The following EDNRA variants were observed in gnomAD, a reference collection of about 807,000 sequenced individuals.
EDNRA encodes endothelin-1 receptor.
In EDNRA, 11 loss-of-function variants were observed where a neutral mutation model predicts 41.4. The observed-to-expected ratio is 0.27, with a 90% CI of 0.17 to 0.44. The LOEUF (loss-of-function observed/expected upper bound fraction) is 0.44. Among genes scored for constraint, EDNRA ranks in the 20% least tolerant of loss-of-function variants. The pLI is 1.00. For synonymous variants in EDNRA, 172 were observed against 183.0 expected (o/e 0.94, Z 0.49); for missense variants, 294 against 531.0 (o/e 0.55, Z 4.39).
chr4:147,500,313 G>A (rs1287354569), intron 2 of EDNRA, among the ~76,000 whole-genome samples: 2 of 152,154 alleles, frequency 1.3e-5, no homozygotes, highest in Non-Finnish European at 2.9e-5. Flanking sequence ...GGAAAGTGGG[G>A]GATAAGATAA....
intron 2 of EDNRA, chr4:147,506,010 A>G: frequency 2.5e-6 from 1 of 395,932 alleles, no homozygotes; most frequent in South Asian, 2.0e-5. Context: ...ACTCTTGAGC[A>G]TGTATCCCAG....
chr4:147,485,828 T>C lies in EDNRA; in HGVS notation c.147T>C (p.Val49=), dbSNP rs1019969346. Reference sequence around the variant, plus strand: ...GTGGCACAGAGCTCAGCTTCCTGGTTACCACTCATCAACCCACTAATTTGG... The same window carrying C: ...GTGGCACAGAGCTCAGCTTCCTGGTCACCACTCATCAACCCACTAATTTGG... ...TFRGTELSFL[V]TTHQPTNLVL... The change falls in exon 2 of 8, where the codon GTT becomes GTC. Residue 49 remains valine, a synonymous_variant. Transcript: ENST00000651419. The C allele has an allele frequency of 6.2e-7, 1 of 1,614,264 alleles. No homozygotes were observed. The highest frequency in any genetic ancestry group is 1.3e-5 in the African/African-American group (1 of 75,066).
At chr4:147,536,298 T>C (rs1246065213) in intron 5 of EDNRA, among the ~76,000 whole-genome samples, 6 of 152,198 alleles carry the variant, frequency 3.9e-5, no homozygotes, top group African/African-American at 1.4e-4. Flanking sequence ...TGTGTGTATG[T>C]GAGTTCGTGC....
intron 4 of EDNRA, among the ~76,000 whole-genome samples, chr4:147,534,445 G>A (rs1319872456): frequency 6.6e-6 from 1 of 152,168 alleles, no homozygotes; most frequent in Non-Finnish European, 1.5e-5. Context: ...TGTGAACTTG[G>A]TTGGAAAAGA....
intron 2 of EDNRA, chr4:147,490,467 T>C (rs1026450455): frequency 1.4e-4 from 22 of 152,202 alleles, no homozygotes; most frequent in African/African-American, 4.8e-4. Flanking sequence ...CCCAAGCTTA[T>C]AACCCATACT....
chr4:147,500,851 G>A lies in EDNRA; in HGVS notation c.420+14750G>A, dbSNP rs192409551. 1.3e-3 allele frequency among the ~76,000 whole-genome samples: 199 copies of A among 152,264 alleles called. 2 individuals are homozygous for A. The highest frequency in any genetic ancestry group is 4.4e-3 in the African/African-American group (184 of 41,558). ...ATTTCATATATTTGAGGAAGAAAGGGAGGGAGCATGGACTCTCAAAATGTG... is the reference window on the plus strand; with the variant it reads ...ATTTCATATATTTGAGGAAGAAAGGAAGGGAGCATGGACTCTCAAAATGTG... On this transcript the variant is annotated intron_variant, in intron 2 of 7. Transcript: ENST00000651419.
At chr4:147,506,267 T>A (rs1284151320) in intron 2 of EDNRA, 1 of 482,776 alleles carries the variant, frequency 2.1e-6, no homozygotes, top group East Asian at 5.6e-5. Flanking sequence ...ATAAAGAACA[T>A]CCATTTGTCT....
At chr4:147,516,263 G>A (rs1460256281) in intron 2 of EDNRA, among the ~76,000 whole-genome samples, 1 of 152,200 alleles carries the variant, frequency 6.6e-6, no homozygotes, top group Non-Finnish European at 1.5e-5. Flanking sequence ...ACAGCCCAAA[G>A]TGAGATGTCT....
At chr4:147,537,399 C>T (rs1397723711) in intron 5 of EDNRA, among the ~76,000 whole-genome samples, 4 of 152,126 alleles carry the variant, frequency 2.6e-5, no homozygotes, top group African/African-American at 7.2e-5. Flanking sequence ...GTTTCAAATA[C>T]TCCAATTGCT....
At position 147,486,576 on chromosome 4, in the gene EDNRA, T is replaced by A. The variant is rs1728953837; in HGVS notation, c.420+475T>A. 6.6e-6 allele frequency among the ~76,000 whole-genome samples: 1 copy of A among 152,230 alleles called. No homozygotes were observed. The highest frequency in any genetic ancestry group is 2.1e-4 in the South Asian group (1 of 4,834). ...TGAATTGTATTTATTTTATTTTGAC[T>A]GTCTAGATTAATGATTAAAGCCAAA... is the stretch of plus-strand genomic sequence containing the variant. On this transcript the variant is annotated intron_variant, in intron 2 of 7. Transcript: ENST00000651419. The surrounding 1 kb of genome is among the most constrained non-coding windows in gnomAD (Gnocchi z 4.3).
At chr4:147,488,958 A>G (rs1224153184) in intron 2 of EDNRA, 1 of 152,218 alleles carries the variant, frequency 6.6e-6, no homozygotes, top group African/African-American at 2.4e-5. Flanking sequence ...TCACTTTACC[A>G]TTACATTTAT....
chr4:147,528,578 C>G (rs1438095740), intron 3 of EDNRA, among the ~76,000 whole-genome samples: 1 of 152,052 alleles, frequency 6.6e-6, no homozygotes, highest in Non-Finnish European at 1.5e-5. Flanking sequence ...CAAGCGATCG[C>G]CCCCCTCAGC....
At position 147,516,983 on chromosome 4, in the gene EDNRA, T is replaced by G. The variant is rs146942071; in HGVS notation, c.421-2868T>G. Reference sequence around the variant, plus strand: ...ATTATTTCCATATGTTCCCACTTGTTTTCTTTTTGTAAAAAAAAAAAGCAT... The same window carrying G: ...ATTATTTCCATATGTTCCCACTTGTGTTCTTTTTGTAAAAAAAAAAAGCAT... On this transcript the variant is annotated intron_variant, in intron 2 of 7. Coordinates refer to ENST00000651419, the MANE Select transcript of EDNRA (RefSeq NM_001957.4). 5.8e-4 allele frequency among the ~76,000 whole-genome samples: 81 copies of G among 140,396 alleles called. 1 individual carries two copies. The South Asian group carries it at 9.9e-3, about 17-fold the overall frequency. 92.1% of individuals were successfully genotyped at this position (140,396 alleles called of 152,430 possible). A position where few individuals can be genotyped will look rare whatever the true frequency, so the allele number is the denominator to read the frequency against.
chr4:147,504,595 G>A (rs7684882), intron 2 of EDNRA, among the ~76,000 whole-genome samples: 2,246 of 151,916 alleles, frequency 0.015, 56 homozygotes, highest in African/African-American at 0.049. Flanking sequence ...TGATCCATAA[G>A]GAAAAAAAAT....
chr4:147,483,951 G>A (rs1728859778), intron 1 of EDNRA, among the ~76,000 whole-genome samples: 1 of 151,940 alleles, frequency 6.6e-6, no homozygotes, highest in Non-Finnish European at 1.5e-5. Context: ...AAACTCCTGG[G>A]CTCAAGTGAT....
At chr4:147,536,724 G>C (rs1214103568) in intron 5 of EDNRA, among the ~76,000 whole-genome samples, 2 of 152,208 alleles carry the variant, frequency 1.3e-5, no homozygotes, top group Non-Finnish European at 2.9e-5. Flanking sequence ...AAGAGGTAAA[G>C]TGTTGGAGGA....
intron 4 of EDNRA, 126 bp downstream of exon 4, chr4:147,532,830 T>C (rs749215933): frequency 4.2e-6 from 4 of 961,200 alleles, no homozygotes; most frequent in African/African-American, 3.3e-5. Context: ...TATTCCTCAG[T>C]TGCATGAAAA....
In EDNRA at chr4:147,519,670, A is replaced by G. The variant is rs184947356; in HGVS notation, c.421-181A>G. ...ATCTGTATATCTTTCCAGACTAAAA[A>G]TTGCTGAGGCTTTAAAATACGAAAG... is the stretch of plus-strand genomic sequence containing the variant. On this transcript the variant is annotated intron_variant, in intron 2 of 7. Coordinates refer to ENST00000651419, the MANE Select transcript of EDNRA (RefSeq NM_001957.4). The surrounding 1 kb of genome is among the most constrained non-coding windows in gnomAD (Gnocchi z 4.1). 6.6e-6 allele frequency among the ~76,000 whole-genome samples: 1 copy of G among 152,024 alleles called. No homozygotes were observed.
At chr4:147,513,802 A>G (rs911815376) in intron 2 of EDNRA, among the ~76,000 whole-genome samples, 1 of 152,206 alleles carries the variant, frequency 6.6e-6, no homozygotes, top group South Asian at 2.1e-4. Flanking sequence ...GACAAACAGG[A>G]GATGAAGGAG....
Sources: allele counts gnomAD v4.1 joint callset (sites outside exome capture counted in the v4.1 genomes callset), GRCh38; gene constraint gnomAD v4.1.1; non-coding constraint Gnocchi (gnomAD v3.1); transcripts MANE v1.5; gene names NCBI Gene and HGNC (gene_info 2026-07-23, HGNC 2026-07-21).